EYS: variants seen among roughly 807,000 people sequenced by gnomAD.
The protein encoded by EYS is protein eyes shut homolog.
EYS carries 250 observed loss-of-function variants against 282.1 expected under a neutral mutation model. That is an observed-to-expected ratio of 0.89 (90% CI 0.80 to 0.98). EYS has a LOEUF of 0.98. EYS is among the 50% of genes least tolerant of loss of function. EYS has a pLI of 0.00. For missense variants in EYS, 4,016 were observed against 3,709.0 expected, an observed-to-expected ratio of 1.08 and a Z score of -2.15; for synonymous variants, 1,355 against 1,282.9, an observed-to-expected ratio of 1.06 and a Z score of -1.20.
intron 31 of EYS, among the ~76,000 whole-genome samples, chr6:64,144,242 A>G (rs570301172): frequency 2.6e-5 from 4 of 152,188 alleles, no homozygotes; most frequent in African/African-American, 9.7e-5. Flanking sequence ...TATGAGACAA[A>G]TGACATTACT....
At chr6:65,152,439 A>G (rs1174565133) in intron 12 of EYS, among the ~76,000 whole-genome samples, 1 of 151,916 alleles carries the variant, frequency 6.6e-6, no homozygotes, top group East Asian at 1.9e-4. Flanking sequence ...GCCCTAATCC[A>G]ATTGGTCTTT....
chr6:65,664,448 A>C (rs1001440533), intron 1 of EYS, among the ~76,000 whole-genome samples: 2 of 152,202 alleles, frequency 1.3e-5, no homozygotes, highest in Admixed American at 1.3e-4. Flanking sequence ...TGAATATTTT[A>C]ATATGATAGC....
chr6:64,988,048 T>C (rs1469392745), intron 14 of EYS, among the ~76,000 whole-genome samples: 1 of 151,412 alleles, frequency 6.6e-6, no homozygotes, highest in African/African-American at 2.4e-5. Flanking sequence ...TTCAGGCTTT[T>C]TTAAGAATGT....
At chr6:65,287,473 T>G (rs1398246126) in intron 12 of EYS, among the ~76,000 whole-genome samples, 1 of 151,520 alleles carries the variant, frequency 6.6e-6, no homozygotes, top group Non-Finnish European at 1.5e-5. Flanking sequence ...CATCAAATAT[T>G]TTGTGTTGCC....
At chr6:64,772,603 A>C (rs532420497) in intron 22 of EYS, among the ~76,000 whole-genome samples, 2 of 151,776 alleles carry the variant, frequency 1.3e-5, no homozygotes, top group South Asian at 2.1e-4. Context: ...AGAACTTACC[A>C]CTTTTATCTA....
intron 35 of EYS, among the ~76,000 whole-genome samples, chr6:63,877,654 A>C (rs1773012934): frequency 6.6e-6 from 1 of 152,014 alleles, no homozygotes; most frequent in South Asian, 2.1e-4. Flanking sequence ...TATTTCTTGG[A>C]GGCTTTGTTC....
chr6:64,059,025 G>A (rs185792856), intron 33 of EYS, among the ~76,000 whole-genome samples: 1 of 152,224 alleles, frequency 6.6e-6, no homozygotes, highest in East Asian at 1.9e-4. Flanking sequence ...GTGACTTACT[G>A]AAGAGCTAAA....
intron 31 of EYS, among the ~76,000 whole-genome samples, chr6:64,122,521 G>A (rs1303042614): frequency 6.6e-6 from 1 of 152,170 alleles, no homozygotes; most frequent in Admixed American, 6.5e-5. Context: ...AGACTATGGA[G>A]CCTAGAGCCA....
intron 19 of EYS, among the ~76,000 whole-genome samples, chr6:64,883,102 A>G (rs1247872609): frequency 6.7e-6 from 1 of 150,074 alleles, no homozygotes; most frequent in African/African-American, 2.4e-5. Context: ...TGTACAATTG[A>G]TCAATTGTCC....
intron 41 of EYS, among the ~76,000 whole-genome samples, chr6:63,737,529 G>A (rs1768950018): frequency 6.6e-6 from 1 of 152,154 alleles, no homozygotes; most frequent in African/African-American, 2.4e-5. Flanking sequence ...TGTTCGTCAA[G>A]GATATTGGTC....
At chr6:64,440,045 T>C (rs1774884445) in intron 26 of EYS, among the ~76,000 whole-genome samples, 1 of 151,880 alleles carries the variant, frequency 6.6e-6, no homozygotes, top group Non-Finnish European at 1.5e-5. Context: ...TAATGATTCC[T>C]GAAACAATGG....
chr6:63,784,132 C>T (rs1402317644), intron 39 of EYS, among the ~76,000 whole-genome samples: 1 of 152,178 alleles, frequency 6.6e-6, no homozygotes, highest in African/African-American at 2.4e-5. Flanking sequence ...ACACCACTTG[C>T]TCTCCTTGTT....
At chr6:64,679,994 GA>G (rs1404271323) in intron 22 of EYS, among the ~76,000 whole-genome samples, 2 of 151,754 alleles carry the variant, frequency 1.3e-5, no homozygotes, top group Non-Finnish European at 2.9e-5. Flanking sequence ...TTTACATAGG[GA>G]AAATAAATTA....
chr6:65,000,858 A>G (rs1771440281), intron 13 of EYS, among the ~76,000 whole-genome samples: 1 of 152,176 alleles, frequency 6.6e-6, no homozygotes, highest in Non-Finnish European at 1.5e-5. Flanking sequence ...ACACAAACAC[A>G]CACATATATG....
intron 12 of EYS, among the ~76,000 whole-genome samples, chr6:65,183,083 G>A (rs1033365827): frequency 6.6e-6 from 1 of 151,840 alleles, no homozygotes; most frequent in African/African-American, 2.4e-5. Flanking sequence ...GTGGCACTGT[G>A]CCCAGCCTCT....
intron 22 of EYS, among the ~76,000 whole-genome samples, chr6:64,680,635 T>G (rs927214761): frequency 6.6e-6 from 1 of 152,156 alleles, no homozygotes; most frequent in Non-Finnish European, 1.5e-5. Context: ...GACTAAGAGT[T>G]TACGGCTTCC....
At chr6:64,229,661 A>G (rs1026337131) in intron 31 of EYS, among the ~76,000 whole-genome samples, 4 of 152,166 alleles carry the variant, frequency 2.6e-5, no homozygotes, top group African/African-American at 7.2e-5. Context: ...TAAATATTAA[A>G]CATTCACAGT....
chr6:65,073,927 A>T lies in EYS; in HGVS notation c.2024-16200T>A, dbSNP rs183900994. ...CTTGAATTATAAAAGCAAGAAAGTG[A>T]TTCTCTGAAAATGAGGAGATTGGTT... is the stretch of plus-strand genomic sequence containing the variant. On this transcript the variant is annotated intron_variant, in intron 12 of 42. Coordinates refer to ENST00000503581, the MANE Select transcript of EYS (RefSeq NM_001142800.2). Among the ~76,000 whole-genome samples, 283 of 152,138 alleles carry T rather than the reference A, an allele frequency of 1.9e-3. 1 individual carries two copies. The highest frequency in any genetic ancestry group is 3.6e-3 in the Non-Finnish European group (248 of 67,986).
intron 29 of EYS, among the ~76,000 whole-genome samples, chr6:64,355,285 C>A (rs1245675451): frequency 6.6e-6 from 1 of 151,556 alleles, no homozygotes; most frequent in East Asian, 2.0e-4. Context: ...CTAGGTTTAA[C>A]TTCTTATCCT....
Sources: gnomAD v4.1 joint callset for allele counts (sites outside exome capture counted in the v4.1 genomes callset) on GRCh38, gnomAD v4.1.1 for gene constraint, MANE v1.5 for transcripts, NCBI Gene and HGNC (gene_info 2026-07-23, HGNC 2026-07-21) for gene names.